Variants in CMPK2 observed in about 807,000 individuals in gnomAD.
The protein encoded by CMPK2 is UMP-CMP kinase 2, mitochondrial.
In CMPK2, 32 loss-of-function variants were observed where a neutral mutation model predicts 33.4. The observed-to-expected ratio is 0.96, with a 90% CI of 0.72 to 1.29. The LOEUF (loss-of-function observed/expected upper bound fraction) is 1.29. Ranked by LOEUF, CMPK2 falls within the 50% of genes most tolerant of loss-of-function variation. CMPK2 has a pLI of 0.00. For synonymous variants in CMPK2, 299 were observed against 275.3 expected, an observed-to-expected ratio of 1.09 and a Z score of -0.85; for missense variants, 672 against 616.0, an observed-to-expected ratio of 1.09 and a Z score of -0.96.
At chr2:6,851,829 T>C (rs1662535392) in intron 3 of CMPK2, 146 bp from the exon 4 acceptor site, 1 of 638,492 alleles carries the variant, frequency 1.6e-6, no homozygotes, top group Non-Finnish European at 2.6e-6. Context: ...TTAAATTTTA[T>C]AAACTAAAAA....
intron 3 of CMPK2, among the ~76,000 whole-genome samples, chr2:6,855,280 T>C (rs1375342212): frequency 6.6e-6 from 1 of 151,316 alleles, no homozygotes; most frequent in Non-Finnish European, 1.5e-5. Flanking sequence ...TCTGGGTGTT[T>C]AAAATGTGTA....
intron 3 of CMPK2, among the ~76,000 whole-genome samples, chr2:6,853,824 C>T (rs1002742875): frequency 2.0e-5 from 3 of 152,052 alleles, no homozygotes; most frequent in Admixed American, 6.6e-5. Flanking sequence ...ATGGCGTGAA[C>T]CCGGAAGGCA....
At position 6,861,261 on chromosome 2, in the gene CMPK2, A is replaced by T; in HGVS notation, c.915T>A (p.Ala305=). The T allele has an allele frequency of 6.2e-7, 1 of 1,614,100 alleles. No individual in the cohort carries two copies. The highest frequency in any genetic ancestry group is 8.5e-7 in the Non-Finnish European group (1 of 1,180,000). ...FDDEPTIIRR[A]FYSLGNYIVA... Reference sequence around the variant, plus strand: ...CAATATAATTGCCCAAAGAGTAAAAAGCTCTTCTAATGATAGTTGGTTCAT... The same window carrying T: ...CAATATAATTGCCCAAAGAGTAAAATGCTCTTCTAATGATAGTTGGTTCAT... The change falls in exon 3 of 5, where the codon GCT becomes GCA. Residue 305 remains alanine (A), a synonymous_variant. Transcript: ENST00000256722.
chr2:6,866,043 A>T, upstream of CMPK2: 2 of 350,320 alleles, frequency 5.7e-6, no homozygotes, highest in Non-Finnish European at 4.9e-6. Flanking sequence ...CGTCGGCCCC[A>T]AGGTAGCTCC....
intron 1 of CMPK2, 83 bp from the exon 2 acceptor site, chr2:6,863,661 C>T: frequency 1.0e-6 from 1 of 960,514 alleles, no homozygotes; most frequent in Non-Finnish European, 1.6e-6. Context: ...CACAATATTG[C>T]CGCATGCTAA....
chr2:6,860,905 A>G (rs1028707441), intron 3 of CMPK2, among the ~76,000 whole-genome samples: 1 of 152,168 alleles, frequency 6.6e-6, no homozygotes, highest in Non-Finnish European at 1.5e-5. Flanking sequence ...TCATCAGTAA[A>G]CTGGGAATAA....
intron 4 of CMPK2, chr2:6,851,047 G>A (rs1662506271): frequency 1.9e-6 from 2 of 1,037,916 alleles, no homozygotes; most frequent in Admixed American, 9.9e-5. Context: ...TTCCTCACAA[G>A]GATGACATAA....
At chr2:6,851,298 T>C (rs1662514451) in intron 4 of CMPK2, 152 bp downstream of exon 4, 1 of 1,471,908 alleles carries the variant, frequency 6.8e-7, no homozygotes, top group African/African-American at 1.4e-5. Flanking sequence ...ACAAGCCCAT[T>C]GGAAGGGGCT....
At position 6,849,000 on chromosome 2, in the gene CMPK2, G is replaced by A. The variant is rs1212932996; in HGVS notation, c.*850C>T. 1 of 984,812 alleles carries A rather than the reference G, an allele frequency of 1.0e-6. No homozygotes were observed. Among genetic ancestry groups the A allele is most frequent in the African/African-American group, 1.7e-5 (1 of 57,214 alleles). 61.0% of individuals were successfully genotyped at this position (984,812 alleles called of 1,614,324 possible). A position where few individuals can be genotyped will look rare whatever the true frequency, so the allele number is the denominator to read the frequency against. ...TTAATTAATGAATCATAGCTCCTATGCTGAGGAAACATATTATGTATAGAT... is the reference window on the plus strand; with the variant it reads ...TTAATTAATGAATCATAGCTCCTATACTGAGGAAACATATTATGTATAGAT... On this transcript the variant is annotated 3_prime_UTR_variant, in exon 5 of 5. Coordinates refer to ENST00000256722, the MANE Select transcript of CMPK2 (RefSeq NM_207315.4).
At chr2:6,841,109 C>T (rs1317517501) in intron 3 of CMPK2, among the ~76,000 whole-genome samples, 2 of 152,100 alleles carry the variant, frequency 1.3e-5, no homozygotes, top group African/African-American at 4.8e-5. Context: ...TTTTGAGACC[C>T]CTTGGGTAAC....
At chr2:6,855,342 CCT>C (rs772703913) in intron 3 of CMPK2, among the ~76,000 whole-genome samples, 11 of 147,086 alleles carry the variant, frequency 7.5e-5, no homozygotes, top group South Asian at 4.4e-4. Context: ...CCTGCCCCTG[CCT>C]CTCTCTCTCT....
At chr2:6,866,482 C>A (rs908577222), upstream of CMPK2, 69 of 985,572 alleles carry the variant, frequency 7.0e-5, no homozygotes, top group Non-Finnish European at 8.2e-5. Flanking sequence ...GCTGACTCTC[C>A]AACTGGGAAG....
intron 1 of CMPK2, 72 bp downstream of exon 1, chr2:6,864,950 C>T: frequency 7.4e-7 from 1 of 1,349,720 alleles, no homozygotes; most frequent in Non-Finnish European, 9.6e-7. Context: ...ACAGACCAGC[C>T]TCTTGGTCCA....
intron 4 of CMPK2, 142 bp downstream of exon 4, chr2:6,851,308 T>C: frequency 6.7e-7 from 1 of 1,486,478 alleles, no homozygotes; most frequent in Non-Finnish European, 9.0e-7. Flanking sequence ...TGGAAGGGGC[T>C]GAAGTAACTT....
At position 6,849,304 on chromosome 2, in the gene CMPK2, C is replaced by T. The variant is rs928771940; in HGVS notation, c.*546G>A. The T allele has an allele frequency of 4.1e-6, 4 of 985,394 alleles. No individual in the cohort carries two copies. The highest frequency in any genetic ancestry group is 4.7e-5 in the South Asian group (1 of 21,304). 61.0% of individuals were successfully genotyped at this position (985,394 alleles called of 1,614,324 possible). A position where few individuals can be genotyped will look rare whatever the true frequency, so the allele number is the denominator to read the frequency against. ...CCAAAAATGGCTCTGCAGGAGTGTC[C>T]TTGGGCAGCCAGGACACATAGACAG... On this transcript the variant is annotated 3_prime_UTR_variant, in exon 5 of 5. Coordinates refer to ENST00000256722, the MANE Select transcript of CMPK2 (RefSeq NM_207315.4).
At chr2:6,860,856 C>T (rs574742451) in intron 3 of CMPK2, among the ~76,000 whole-genome samples, 1 of 152,216 alleles carries the variant, frequency 6.6e-6, no homozygotes, top group East Asian at 1.9e-4. Flanking sequence ...TTCCAGCTTA[C>T]CTTGGCAAGT....
At position 6,856,453 on chromosome 2, in the gene CMPK2, G is replaced by A. The variant is rs540034495; in HGVS notation, c.992+4731C>T. Reference sequence around the variant, plus strand: ...GTGGCAGGCTCTCATTCTTGATCTGGGTACAGGTGACTTGACTGTGTTCAC... The same window carrying A: ...GTGGCAGGCTCTCATTCTTGATCTGAGTACAGGTGACTTGACTGTGTTCAC... On this transcript the variant is annotated intron_variant, in intron 3 of 4. Coordinates refer to ENST00000256722, the MANE Select transcript of CMPK2 (RefSeq NM_207315.4). Among the ~76,000 whole-genome samples the A allele has an allele frequency of 1.0e-3, 157 of 152,182 alleles. 1 individual carries two copies. Among genetic ancestry groups the A allele is most frequent in the African/African-American group, 3.8e-3 (156 of 41,524 alleles).
intron 3 of CMPK2, among the ~76,000 whole-genome samples, chr2:6,860,847 T>A (rs944313660): frequency 6.6e-6 from 1 of 152,198 alleles, no homozygotes; most frequent in Non-Finnish European, 1.5e-5. Flanking sequence ...GTATGCTATT[T>A]CCAGCTTACC....
At chr2:6,846,020 C>A (rs757668651), downstream of CMPK2, among the ~76,000 whole-genome samples, 1 of 151,816 alleles carries the variant, frequency 6.6e-6, no homozygotes, top group African/African-American at 2.4e-5. Flanking sequence ...GATAGAGGAA[C>A]GTAAAAGGGA....
Sources: allele counts gnomAD v4.1 joint callset (sites outside exome capture counted in the v4.1 genomes callset), GRCh38; gene constraint gnomAD v4.1.1; transcripts MANE v1.5; gene names NCBI Gene and HGNC (gene_info 2026-07-23, HGNC 2026-07-21).